ADARB2: variants seen among roughly 807,000 people sequenced by gnomAD.
The protein encoded by ADARB2 is inactive double-stranded RNA-specific editase B2.
ADARB2 carries 25 observed loss-of-function variants against 62.2 expected under a neutral mutation model. That is an observed-to-expected ratio of 0.40 (90% CI 0.29 to 0.56). The LOEUF (loss-of-function observed/expected upper bound fraction) is 0.56, where lower values mean the gene tolerates loss of function less well. Among genes scored for constraint, ADARB2 ranks in the 20% least tolerant of loss-of-function variants. The pLI, the probability that ADARB2 is intolerant of heterozygous loss-of-function variation, is 0.43. For missense variants in ADARB2, 1,071 were observed against 1,077.4 expected, an observed-to-expected ratio of 0.99 and a Z score of 0.08; for synonymous variants, 572 against 500.8, an observed-to-expected ratio of 1.14 and a Z score of -1.90.
chr10:1,428,386 A>T (rs1015307457), intron 1 of ADARB2, among the ~76,000 whole-genome samples: 5 of 151,116 alleles, frequency 3.3e-5, no homozygotes, highest in African/African-American at 1.2e-4. Flanking sequence ...TCCCAGGTTC[A>T]CGCCATTCTC....
chr10:1,723,539 C>CT (rs1835123749), intron 1 of ADARB2, among the ~76,000 whole-genome samples: 1 of 152,194 alleles, frequency 6.6e-6, no homozygotes, highest in Non-Finnish European at 1.5e-5. Flanking sequence ...GTCTTAGGTC[C>CT]TTTTTACCTC....
chr10:1,572,309 G>A (rs2131993765), intron 1 of ADARB2, among the ~76,000 whole-genome samples: 1 of 152,280 alleles, frequency 6.6e-6, no homozygotes, highest in East Asian at 1.9e-4. Context: ...GCTTGCAGGT[G>A]CGTGTGCAGG....
At chr10:1,529,935 G>GACCCATCCATTGTTCCCGCCACCGCAGGC (rs541382866) in intron 1 of ADARB2, among the ~76,000 whole-genome samples, 1 of 149,758 alleles carries the variant, frequency 6.7e-6, no homozygotes, top group Admixed American at 6.6e-5. Context: ...CCACTGCAGG[G>GACCCATCCATTGTTCCCGCCACCGCAGGC]ACCCATTCAC....
At chr10:1,710,668 C>T (rs1027326084) in intron 1 of ADARB2, among the ~76,000 whole-genome samples, 13 of 152,232 alleles carry the variant, frequency 8.5e-5, no homozygotes, top group Admixed American at 7.8e-4. Context: ...CTACCATCAG[C>T]GTGGACTGCA....
At chr10:1,280,762 G>T in intron 3 of ADARB2, among the ~76,000 whole-genome samples, 1 of 151,428 alleles carries the variant, frequency 6.6e-6, no homozygotes, top group East Asian at 1.9e-4. Flanking sequence ...AAATTCCTAA[G>T]TGACGCTCCG....
chr10:1,554,472 C>T (rs2131980923), intron 1 of ADARB2, among the ~76,000 whole-genome samples: 1 of 152,282 alleles, frequency 6.6e-6, no homozygotes, highest in East Asian at 1.9e-4. Context: ...AGAACCTCTG[C>T]CCCGGTCTCC....
intron 1 of ADARB2, among the ~76,000 whole-genome samples, chr10:1,571,921 C>G (rs1382015654): frequency 1.5e-5 from 2 of 130,002 alleles, no homozygotes; most frequent in African/African-American, 6.0e-5. Flanking sequence ...GGTGAGTAGG[C>G]AGGTGATATG....
chr10:1,524,467 A>G lies in ADARB2; in HGVS notation c.101-145307T>C, dbSNP rs538677476. Among the ~76,000 whole-genome samples the G allele has an allele frequency of 1.6e-3, 242 of 152,346 alleles. 2 individuals are homozygous for G. The highest frequency in any genetic ancestry group is 2.2e-3 in the Non-Finnish European group (150 of 68,032). ...AATTTTCAGACCTGCTGGCATCACA[A>G]GTTCCTCCAACCAGACTTGGATAAT... On this transcript the variant is annotated intron_variant, in intron 1 of 9. Coordinates refer to ENST00000381312, the MANE Select transcript of ADARB2 (RefSeq NM_018702.4).
At chr10:1,418,565 A>T (rs1832825235) in intron 1 of ADARB2, among the ~76,000 whole-genome samples, 1 of 152,238 alleles carries the variant, frequency 6.6e-6, no homozygotes, top group South Asian at 2.1e-4. Context: ...ACAAGGGGAA[A>T]AACAGCCCGC....
In ADARB2 at chr10:1,704,394, G is replaced by A. The variant is rs1438435666; in HGVS notation, c.100+32657C>T. ...ATGGGAGACAGTGACAGATCATCAGGCATTAGATTTTCATAAGGAGTCTGC... is the reference window on the plus strand; with the variant it reads ...ATGGGAGACAGTGACAGATCATCAGACATTAGATTTTCATAAGGAGTCTGC... On this transcript the variant is annotated intron_variant, in intron 1 of 9. Coordinates refer to ENST00000381312, the MANE Select transcript of ADARB2 (RefSeq NM_018702.4). The surrounding 1 kb of genome is among the most constrained non-coding windows in gnomAD (Gnocchi z 5.6). Among the ~76,000 whole-genome samples the A allele has an allele frequency of 6.6e-6, 1 of 152,188 alleles. No homozygotes were observed. The highest frequency in any genetic ancestry group is 1.5e-5 in the Non-Finnish European group (1 of 68,030).
intron 1 of ADARB2, among the ~76,000 whole-genome samples, chr10:1,450,945 T>C (rs1831028486): frequency 6.6e-6 from 1 of 152,206 alleles, no homozygotes; most frequent in Non-Finnish European, 1.5e-5. Context: ...CAGTCAGATG[T>C]GCTGTCAGGG....
chr10:1,588,578 G>A (rs1833209614), intron 1 of ADARB2, among the ~76,000 whole-genome samples: 1 of 152,182 alleles, frequency 6.6e-6, no homozygotes, highest in Admixed American at 6.5e-5. Context: ...TTCTGCGGCT[G>A]GAACATCGCC....
intron 1 of ADARB2, among the ~76,000 whole-genome samples, chr10:1,696,013 T>C (rs972489517): frequency 6.6e-6 from 1 of 152,140 alleles, no homozygotes; most frequent in African/African-American, 2.4e-5. Context: ...TGCCTGTGTG[T>C]ATGCCTGCGT....
intron 2 of ADARB2, among the ~76,000 whole-genome samples, chr10:1,368,567 C>A (rs1392992820): frequency 6.6e-6 from 1 of 152,166 alleles, no homozygotes; most frequent in Non-Finnish European, 1.5e-5. Flanking sequence ...GGTTGCGTCT[C>A]CCTCCTTGAG....
intron 1 of ADARB2, among the ~76,000 whole-genome samples, chr10:1,488,064 G>A (rs1226476782): frequency 6.6e-6 from 1 of 152,094 alleles, no homozygotes; most frequent in Non-Finnish European, 1.5e-5. Flanking sequence ...TTCTTGGTTT[G>A]CTTTGAGAAA....
intron 6 of ADARB2, among the ~76,000 whole-genome samples, chr10:1,229,790 G>GCA (rs1196091719): frequency 5.2e-5 from 2 of 38,232 alleles, no homozygotes; most frequent in Admixed American, 3.8e-4. Flanking sequence ...GTGTACATGT[G>GCA]TTTATGTGTG....
chr10:1,353,415 G>A (rs750524475), intron 3 of ADARB2, among the ~76,000 whole-genome samples: 4 of 151,878 alleles, frequency 2.6e-5, no homozygotes, highest in South Asian at 2.1e-4. Context: ...CATGCAGACC[G>A]GGCAACATCT....
In ADARB2 at chr10:1,200,108, G is replaced by A. The variant is rs1391432762; in HGVS notation, c.1722C>T (p.His574=). ...VLGLQGALLS[H]FVEPVYLQSI... Reference sequence around the variant, plus strand: ...TCTGCAGGTACACGGGCTCCACGAAGTGGGACAGGAGCGCGCCCTGCAGCC... The same window carrying A: ...TCTGCAGGTACACGGGCTCCACGAAATGGGACAGGAGCGCGCCCTGCAGCC... Residue 574 remains histidine, a synonymous_variant, in exon 8 of 10, where the codon CAC becomes CAT. Transcript: ENST00000381312. 1.3e-6 allele frequency: 2 copies of A among 1,559,516 alleles called. No individual in the cohort carries two copies. The highest frequency in any genetic ancestry group is 2.7e-5 in the African/African-American group (2 of 73,616).
chr10:1,255,556 C>A lies in ADARB2; in HGVS notation c.1193-13257G>T, dbSNP rs968954321. Among the ~76,000 whole-genome samples, 2 of 152,224 alleles carry A rather than the reference C, an allele frequency of 1.3e-5. No individual in the cohort carries two copies. The highest frequency in any genetic ancestry group is 1.3e-4 in the Admixed American group (2 of 15,288). ...CCACTACAACCCAAAGAGGGTCAGGCCATGGACAGGGATGTGACCAGATGT... is the reference window on the plus strand; with the variant it reads ...CCACTACAACCCAAAGAGGGTCAGGACATGGACAGGGATGTGACCAGATGT... On this transcript the variant is annotated intron_variant, in intron 4 of 9. Coordinates refer to ENST00000381312, the MANE Select transcript of ADARB2 (RefSeq NM_018702.4). This position sits in a 1 kb window ranked among gnomAD's most constrained non-coding sequence, Gnocchi z 4.7.
Sources: allele counts gnomAD v4.1 joint callset (sites outside exome capture counted in the v4.1 genomes callset), GRCh38; gene constraint gnomAD v4.1.1; non-coding constraint Gnocchi (gnomAD v3.1); transcripts MANE v1.5; gene names NCBI Gene and HGNC (gene_info 2026-07-23, HGNC 2026-07-21).